The following TENM4 variants were observed in gnomAD, a reference collection of about 807,000 sequenced individuals.
TENM4 encodes teneurin transmembrane protein 4, also known as teneurin-4.
TENM4 carries 82 observed loss-of-function variants against 243.3 expected under a neutral mutation model. That is an observed-to-expected ratio of 0.34 (90% CI 0.28 to 0.40). The LOEUF (loss-of-function observed/expected upper bound fraction) is 0.40, where lower values mean the gene tolerates loss of function less well. Ranked by LOEUF, TENM4 falls within the 10% of genes least tolerant of loss-of-function variation. The pLI is 1.00. For synonymous variants in TENM4, 1,412 were observed against 1,456.3 expected (o/e 0.97, Z 0.69); for missense variants, 3,138 against 3,673.3 (o/e 0.85, Z 3.77).
intron 10 of TENM4, among the ~76,000 whole-genome samples, chr11:78,859,380 T>C (rs141806066): frequency 7.9e-5 from 12 of 152,334 alleles, no homozygotes; most frequent in Non-Finnish European, 1.8e-4. Flanking sequence ...TACAGCAAGA[T>C]TAGGCCTCAC....
intron 9 of TENM4, among the ~76,000 whole-genome samples, chr11:78,879,535 C>T (rs1297760376): frequency 2.5e-5 from 3 of 119,124 alleles, no homozygotes; most frequent in East Asian, 2.7e-4. Flanking sequence ...CGCCTCTGCA[C>T]GGCCGCCACC....
At chr11:79,332,907 TCAACCCGC>T (rs1376714831) in intron 1 of TENM4, among the ~76,000 whole-genome samples, 5 of 152,110 alleles carry the variant, frequency 3.3e-5, no homozygotes, top group Admixed American at 6.5e-5. Context: ...CACCTAAACT[TCAACCCGC>T]CTGTCTCACT....
intron 6 of TENM4, among the ~76,000 whole-genome samples, chr11:78,988,375 T>C (rs1200064369): frequency 6.6e-6 from 1 of 152,254 alleles, no homozygotes; most frequent in Non-Finnish European, 1.5e-5. Flanking sequence ...TGCCTGTGGC[T>C]GCCTGTGGAT....
At chr11:78,721,370 T>C (rs979936921) in intron 24 of TENM4, among the ~76,000 whole-genome samples, 17 of 152,224 alleles carry the variant, frequency 1.1e-4, no homozygotes, top group Non-Finnish European at 2.2e-4. Context: ...CTCTTCTCTT[T>C]AGGGCTTATG....
chr11:79,330,317 GA>G (rs1857041632), intron 1 of TENM4, among the ~76,000 whole-genome samples: 1 of 152,166 alleles, frequency 6.6e-6, no homozygotes, highest in African/African-American at 2.4e-5. Context: ...GGACTCCTAG[GA>G]CTGGGACTTG....
Position 79,234,994 on chromosome 11 carries a change from A to G in TENM4, c.-264-19085T>C, listed in dbSNP as rs547753853. Among the ~76,000 whole-genome samples the G allele has an allele frequency of 3.3e-5, 5 of 152,304 alleles. No individual in the cohort carries two copies. The East Asian group carries it at 9.7e-4, about 29-fold the overall frequency. On this transcript the variant is annotated intron_variant, in intron 2 of 33. Transcript: ENST00000278550. ...CACAGGGCCTTGTTAAAATACCAAG[A>G]GGGAAGACTAAAAATCCCATCAGAA...
intron 28 of TENM4, among the ~76,000 whole-genome samples, chr11:78,692,112 G>C (rs938336743): frequency 2.0e-5 from 3 of 152,178 alleles, no homozygotes; most frequent in Non-Finnish European, 4.4e-5. Flanking sequence ...GCTGCCTCAA[G>C]TCCCGGCCCC....
intron 6 of TENM4, among the ~76,000 whole-genome samples, chr11:79,015,964 A>G (rs1166205069): frequency 2.0e-5 from 3 of 152,166 alleles, no homozygotes; most frequent in Non-Finnish European, 4.4e-5. Flanking sequence ...AGAGCATTCC[A>G]GGAAGGGGAA....
At chr11:79,222,280 T>C (rs1042672739) in intron 2 of TENM4, among the ~76,000 whole-genome samples, 1 of 152,210 alleles carries the variant, frequency 6.6e-6, no homozygotes, top group African/African-American at 2.4e-5. Flanking sequence ...CTGTGTTAGT[T>C]TGCTGAGGAT....
intron 28 of TENM4, among the ~76,000 whole-genome samples, chr11:78,698,124 G>T (rs533122319): frequency 6.6e-6 from 1 of 152,146 alleles, no homozygotes; most frequent in Admixed American, 6.5e-5. Context: ...GTTTCAGGCC[G>T]GGTGCGGTGG....
chr11:79,212,899 C>A (rs17137864), intron 3 of TENM4, among the ~76,000 whole-genome samples: 5,624 of 152,254 alleles, frequency 0.037, 129 homozygotes, highest in East Asian at 0.12. Flanking sequence ...GAGACGGGAA[C>A]TCACAGAGGA....
intron 18 of TENM4, among the ~76,000 whole-genome samples, chr11:78,763,332 C>T (rs1239349775): frequency 6.6e-6 from 1 of 152,132 alleles, no homozygotes; most frequent in Non-Finnish European, 1.5e-5. Flanking sequence ...AGGGATGCAG[C>T]CATGCTGCAC....
intron 6 of TENM4, among the ~76,000 whole-genome samples, chr11:78,993,640 C>T (rs1565158590): frequency 6.6e-6 from 1 of 152,114 alleles, no homozygotes; most frequent in Admixed American, 6.5e-5. Context: ...CCACAGTGTA[C>T]AATCTGCTGT....
intron 32 of TENM4, 104 bp from the exon 33 acceptor site, chr11:78,661,695 T>C: frequency 7.0e-7 from 1 of 1,426,212 alleles, no homozygotes; most frequent in South Asian, 1.4e-5. Flanking sequence ...GTGGTGAGGG[T>C]GTGGATTGCT....
intron 1 of TENM4, among the ~76,000 whole-genome samples, chr11:79,353,806 G>C (rs1195583332): frequency 6.6e-6 from 1 of 151,088 alleles, no homozygotes; most frequent in Admixed American, 6.6e-5. Context: ...ACTCAAGCCT[G>C]CAGGCCAAAT....
intron 6 of TENM4, among the ~76,000 whole-genome samples, chr11:78,981,079 C>T (rs1418655514): frequency 6.6e-6 from 1 of 152,104 alleles, no homozygotes; most frequent in African/African-American, 2.4e-5. Flanking sequence ...GCACTGACAT[C>T]CATAACCTCA....
rs569082783 is a variant in TENM4 at position 79,132,345 on chromosome 11, C to CAAAAAAAAAAAAAAAAAAA, written c.-66+16364_-66+16365insTTTTTTTTTTTTTTTTTTT. 1.4e-3 allele frequency among the ~76,000 whole-genome samples: 70 copies of CAAAAAAAAAAAAAAAAAAA among 49,926 alleles called. 2 individuals are homozygous for CAAAAAAAAAAAAAAAAAAA. The highest frequency in any genetic ancestry group is 3.2e-3 in the African/African-American group (46 of 14,544). The allele number at this position is 49,926 out of a possible 152,430, so 32.8% of individuals were successfully genotyped here. On this transcript the variant is annotated intron_variant, in intron 4 of 33. Coordinates refer to ENST00000278550, the MANE Select transcript of TENM4 (RefSeq NM_001098816.3). The stretch of plus-strand genomic sequence containing the variant: ...TGGGAGAAAGAGCAAGACTCCAACT[C>CAAAAAAAAAAAAAAAAAAA]AAAAAAAAAAAAAAAAAGAGAAATG...
chr11:78,767,874 G>A (rs1856569391), intron 18 of TENM4, among the ~76,000 whole-genome samples: 1 of 152,204 alleles, frequency 6.6e-6, no homozygotes, highest in Non-Finnish European at 1.5e-5. Flanking sequence ...AAATGACTGT[G>A]AGCTTCTTGA....
chr11:79,194,309 T>C (rs1371314839), intron 3 of TENM4, among the ~76,000 whole-genome samples: 2 of 151,646 alleles, frequency 1.3e-5, no homozygotes, highest in Admixed American at 6.6e-5. Flanking sequence ...ACAAGCAGAA[T>C]AGGGCATTGC....
Sources: allele counts gnomAD v4.1 joint callset (sites outside exome capture counted in the v4.1 genomes callset), GRCh38; gene constraint gnomAD v4.1.1; transcripts MANE v1.5; gene names NCBI Gene and HGNC (gene_info 2026-07-23, HGNC 2026-07-21).